Variants in ZNF521 observed in about 807,000 individuals in gnomAD.
ZNF521 encodes LYST-interacting protein 3.
ZNF521 carries 14 observed loss-of-function variants against 105.5 expected under a neutral mutation model. The observed-to-expected ratio is 0.13, with a 90% CI of 0.09 to 0.21. The LOEUF is 0.21. Among genes scored for constraint, ZNF521 ranks in the 10% least tolerant of loss-of-function variants. The pLI is 1.00. For missense variants in ZNF521, 1,233 were observed against 1,629.7 expected, an observed-to-expected ratio of 0.76 and a Z score of 4.19; for synonymous variants, 635 against 606.0, an observed-to-expected ratio of 1.05 and a Z score of -0.70.
chr18:25,265,914 T>C (rs1878421072), intron 3 of ZNF521, among the ~76,000 whole-genome samples: 1 of 152,190 alleles, frequency 6.6e-6, no homozygotes, highest in African/African-American at 2.4e-5. Flanking sequence ...AGATCATATG[T>C]TAAGTGAAAT....
chr18:25,151,707 A>T (rs1255368688), intron 5 of ZNF521, among the ~76,000 whole-genome samples: 1 of 152,164 alleles, frequency 6.6e-6, no homozygotes, highest in Non-Finnish European at 1.5e-5. Context: ...CATCATGCAG[A>T]AGTTGAATCT....
At position 25,330,780 on chromosome 18, in the gene ZNF521, C is replaced by T. The variant is rs192861600; in HGVS notation, c.41-8593G>A. The stretch of plus-strand genomic sequence containing the variant: ...CTACTACTTTTAATAACATAAAACC[C>T]CAATAAATTTAAAATACTTGTTTTA... On this transcript the variant is annotated intron_variant, in intron 2 of 7. Transcript: ENST00000361524. Among the ~76,000 whole-genome samples, 358 of 152,060 alleles carry T rather than the reference C, an allele frequency of 2.4e-3. 2 individuals are homozygous for T. Among genetic ancestry groups the T allele is most frequent in the Non-Finnish European group, 4.0e-3 (271 of 67,986 alleles).
intron 5 of ZNF521, among the ~76,000 whole-genome samples, chr18:25,109,282 G>A (rs998015343): frequency 7.9e-5 from 12 of 152,178 alleles, no homozygotes; most frequent in East Asian, 1.9e-4. Flanking sequence ...CAAAGGACAC[G>A]ACTTCATTCT....
intron 5 of ZNF521, among the ~76,000 whole-genome samples, chr18:25,161,794 T>C (rs2035255949): frequency 6.6e-6 from 1 of 152,184 alleles, no homozygotes; most frequent in South Asian, 2.1e-4. Flanking sequence ...TGATGTGATT[T>C]GTTCAATATT....
chr18:25,116,415 A>G (rs1843203410), intron 5 of ZNF521, among the ~76,000 whole-genome samples: 1 of 152,188 alleles, frequency 6.6e-6, no homozygotes, highest in South Asian at 2.1e-4. Context: ...TTAAAAATAA[A>G]CAAACTACAA....
intron 5 of ZNF521, among the ~76,000 whole-genome samples, chr18:25,169,849 T>C (rs1219910879): frequency 6.6e-6 from 1 of 152,212 alleles, no homozygotes; most frequent in Non-Finnish European, 1.5e-5. Flanking sequence ...ATAAGGTCCT[T>C]ATAAATCTTC....
intron 5 of ZNF521, among the ~76,000 whole-genome samples, chr18:25,168,633 A>G (rs1016146346): frequency 6.6e-6 from 1 of 152,234 alleles, no homozygotes; most frequent in Non-Finnish European, 1.5e-5. Flanking sequence ...CACAAAAGAG[A>G]TAGTCAGAAC....
chr18:25,310,640 C>T (rs763888222), intron 3 of ZNF521, among the ~76,000 whole-genome samples: 6 of 152,042 alleles, frequency 3.9e-5, no homozygotes, highest in Admixed American at 6.6e-5. Context: ...GACATATATA[C>T]GCCCAATCAG....
chr18:25,128,042 A>C (rs2034568757), intron 5 of ZNF521, among the ~76,000 whole-genome samples: 1 of 151,984 alleles, frequency 6.6e-6, no homozygotes, highest in Non-Finnish European at 1.5e-5. Flanking sequence ...ATAGACCACT[A>C]TGCCTCATGA....
At chr18:25,273,326 A>T (rs1909807523) in intron 3 of ZNF521, 1 of 151,464 alleles carries the variant, frequency 6.6e-6, no homozygotes, top group Non-Finnish European at 1.5e-5. Context: ...GCGCAGTCAC[A>T]ATATAAGCAG....
intron 3 of ZNF521, among the ~76,000 whole-genome samples, chr18:25,271,571 T>C (rs1909663550): frequency 6.6e-6 from 1 of 152,122 alleles, no homozygotes; most frequent in Non-Finnish European, 1.5e-5. Flanking sequence ...AAAACAGATA[T>C]ATAGACCAAT....
In ZNF521 at chr18:25,226,341, G is replaced by C. The variant is rs1906125189; in HGVS notation, c.1577C>G (p.Ser526Cys). The change falls in exon 4 of 8, where the codon TCT becomes TGT. Residue 526 changes from serine (S) to cysteine (C), a missense_variant. This residue lies in a region of ZNF521 where 380 missense variants were observed against 478.0 expected (regional missense o/e 0.80). Transcript: ENST00000361524. The surrounding 1 kb of genome is among the most constrained non-coding windows in gnomAD (Gnocchi z 4.1). ...PHCYMGFLTDSSLEEHIRQVH... is the reference protein window; with the variant it reads ...PHCYMGFLTDCSLEEHIRQVH... The stretch of plus-strand genomic sequence containing the variant: ...CTGTCTAATATGCTCTTCCAGGGAA[G>C]AGTCAGTGAGAAACCCCATATAGCA... 1 of 1,614,188 alleles carries C rather than the reference G, an allele frequency of 6.2e-7. No individual in the cohort carries two copies. Among genetic ancestry groups the C allele is most frequent in the Non-Finnish European group, 8.5e-7 (1 of 1,180,032 alleles).
At chr18:25,201,063 T>C (rs989536398) in intron 4 of ZNF521, 1 of 151,876 alleles carries the variant, frequency 6.6e-6, no homozygotes, top group African/African-American at 2.4e-5. Flanking sequence ...TATGTGCTCA[T>C]TTCTCCCTTT....
intron 5 of ZNF521, among the ~76,000 whole-genome samples, chr18:25,174,523 G>T (rs1020881443): frequency 1.3e-5 from 2 of 152,320 alleles, no homozygotes; most frequent in African/African-American, 2.4e-5. Flanking sequence ...GTTTGGATTG[G>T]TTCAGGGAGT....
Position 25,084,381 on chromosome 18 carries a change from T to C in ZNF521, c.3906+5084A>G, listed in dbSNP as rs191882466. ...CATTTTTCCTTCAGCAATATGACCA[T>C]AACACTCAAGCACCAGTTAAACTGT... is the stretch of plus-strand genomic sequence containing the variant. On this transcript the variant is annotated intron_variant, in intron 7 of 7. Transcript: ENST00000361524. 2.0e-4 allele frequency among the ~76,000 whole-genome samples: 30 copies of C among 151,058 alleles called. 1 individual carries two copies. The highest frequency in any genetic ancestry group is 5.8e-4 in the African/African-American group (24 of 41,448).
intron 3 of ZNF521, among the ~76,000 whole-genome samples, chr18:25,236,614 A>G (rs1906917898): frequency 6.6e-6 from 1 of 152,148 alleles, no homozygotes; most frequent in South Asian, 2.1e-4. Context: ...AAGACTCTAC[A>G]GTAGGGCCAA....
intron 7 of ZNF521, among the ~76,000 whole-genome samples, chr18:25,075,567 G>A (rs1307639599): frequency 6.6e-6 from 1 of 152,118 alleles, no homozygotes; most frequent in Non-Finnish European, 1.5e-5. Flanking sequence ...ATAAATGAAC[G>A]CTATTCAATG....
intron 7 of ZNF521, among the ~76,000 whole-genome samples, chr18:25,069,694 T>C (rs1010342234): frequency 6.6e-6 from 1 of 152,178 alleles, no homozygotes; most frequent in African/African-American, 2.4e-5. Context: ...AAAGGACAAA[T>C]ATACAGTATT....
intron 3 of ZNF521, among the ~76,000 whole-genome samples, chr18:25,277,530 T>C (rs912788292): frequency 6.6e-6 from 1 of 152,210 alleles, no homozygotes; most frequent in African/African-American, 2.4e-5. Context: ...AAAATATGCA[T>C]AAATGATTGT....
Sources: gnomAD v4.1 joint callset for allele counts (sites outside exome capture counted in the v4.1 genomes callset) on GRCh38, gnomAD v4.1.1 for gene constraint, gnomAD v4.1.1 regional missense constraint, Gnocchi (gnomAD v3.1) non-coding constraint, MANE v1.5 for transcripts, NCBI Gene and HGNC (gene_info 2026-07-23, HGNC 2026-07-21) for gene names.